Variants in ZNF480 observed in about 807,000 individuals in gnomAD.
The protein encoded by ZNF480 is zinc finger protein 480.
A neutral mutation model predicts 14.4 loss-of-function variants in ZNF480; 15 were observed. The observed-to-expected ratio is 1.04, with a 90% confidence interval of 0.70 to 1.60. ZNF480 has a LOEUF of 1.60. ZNF480 is among the 40% of genes most tolerant of loss of function. ZNF480 has a pLI of 0.00. For synonymous variants in ZNF480, 218 were observed against 215.5 expected (o/e 1.01, Z -0.10); for missense variants, 593 against 629.7 (o/e 0.94, Z 0.62).
rs1983926773 is a variant in ZNF480, at chr19:52,323,129, A to G, written c.*271A>G. ...CAGAAATGACAAAGGGGACATTACCACCAACCCCACAGAAATACGAAAAAC... is the reference window on the plus strand; with the variant it reads ...CAGAAATGACAAAGGGGACATTACCGCCAACCCCACAGAAATACGAAAAAC... On this transcript the variant is annotated 3_prime_UTR_variant, in exon 5 of 5. Coordinates refer to ENST00000595962, the MANE Select transcript of ZNF480 (RefSeq NM_144684.4). 3.1e-6 allele frequency: 1 copy of G among 318,766 alleles called. No homozygotes were observed. Among genetic ancestry groups the G allele is most frequent in the African/African-American group, 2.2e-5 (1 of 46,406 alleles). The allele number at this position is 318,766 out of a possible 1,614,324, so 19.7% of individuals were successfully genotyped here.
At chr19:52,302,088 T>C in intron 2 of ZNF480, 1 of 246,442 alleles carries the variant, frequency 4.1e-6, no homozygotes, top group Non-Finnish European at 8.1e-6. Context: ...ATGATAAGGT[T>C]TCAGGTGTCT....
chr19:52,309,958 CTG>C (rs1374238661), intron 2 of ZNF480, among the ~76,000 whole-genome samples: 1 of 152,006 alleles, frequency 6.6e-6, no homozygotes, highest in African/African-American at 2.4e-5. Context: ...TGTTTCTTTC[CTG>C]TATGTGTCAT....
chr19:52,299,150 G>T (rs944236869), intron 1 of ZNF480, among the ~76,000 whole-genome samples: 2 of 152,174 alleles, frequency 1.3e-5, no homozygotes, highest in Non-Finnish European at 2.9e-5. Context: ...TCAGGTGTGG[G>T]TCACCCACTT....
In ZNF480 at chr19:52,316,522, G is replaced by A. The variant is rs534048908; in HGVS notation, c.328+560G>A. Among the ~76,000 whole-genome samples, 10 of 152,062 alleles carry A rather than the reference G, an allele frequency of 6.6e-5. No homozygotes were observed. The East Asian group carries it at 9.7e-4, about 15-fold the overall frequency. ...TAGAATTACAGGCATGAGCTACCGC[G>A]CCCAGCTTCTTTTTGTTTTTCAGAT... is the stretch of plus-strand genomic sequence containing the variant. On this transcript the variant is annotated intron_variant, in intron 4 of 4. Coordinates refer to ENST00000595962, the MANE Select transcript of ZNF480 (RefSeq NM_144684.4).
chr19:52,319,813 T>G (rs373223803), intron 4 of ZNF480, among the ~76,000 whole-genome samples: 53 of 60,600 alleles, frequency 8.7e-4, no homozygotes, highest in African/African-American at 5.1e-3. Context: ...GATACTGTGT[T>G]TTTTTTTTTT....
intron 4 of ZNF480, among the ~76,000 whole-genome samples, chr19:52,320,684 C>T (rs1018653544): frequency 6.6e-5 from 10 of 152,094 alleles, no homozygotes; most frequent in Admixed American, 5.9e-4. Context: ...CCCAGTTACT[C>T]GGGAGGCTGA....
Position 52,314,292 on chromosome 19 carries a change from C to T in ZNF480, c.199+13C>T. 2 of 1,519,472 alleles carry T rather than the reference C, an allele frequency of 1.3e-6. No individual in the cohort carries two copies. Among genetic ancestry groups the T allele is most frequent in the East Asian group, 2.5e-5 (1 of 39,756 alleles). 94.1% of individuals were successfully genotyped at this position (1,519,472 alleles called of 1,614,324 possible). A position where few individuals can be genotyped will look rare whatever the true frequency, so the allele number is the denominator to read the frequency against. ...CTGGTCTCCCTGGGTGAGGATCATG[C>T]CCCTGCAGAAGCCGGGATCTGCCCT... On this transcript the variant is annotated intron_variant, in intron 3 of 4. Coordinates refer to ENST00000595962, the MANE Select transcript of ZNF480 (RefSeq NM_144684.4).
chr19:52,315,964 T>G lies in ZNF480; in HGVS notation c.328+2T>G, dbSNP rs747182481. Reference sequence around the variant, plus strand: ...AGTGCATCAAAGGTGTGAACACAGGTAAGAGCTCAGATGGGCATGGTGGAA... The same window carrying G: ...AGTGCATCAAAGGTGTGAACACAGGGAAGAGCTCAGATGGGCATGGTGGAA... On this transcript the variant is annotated splice_donor_variant, in intron 4 of 4. Coordinates refer to ENST00000595962, the MANE Select transcript of ZNF480 (RefSeq NM_144684.4). LOFTEE classifies it high-confidence loss of function. 3 of 1,604,052 alleles carry G rather than the reference T, an allele frequency of 1.9e-6. No homozygotes were observed. Among genetic ancestry groups the G allele is most frequent in the East Asian group, 2.2e-5 (1 of 44,796 alleles).
chr19:52,311,704 G>A (rs1157342520), intron 2 of ZNF480, among the ~76,000 whole-genome samples: 2 of 152,090 alleles, frequency 1.3e-5, no homozygotes, highest in Non-Finnish European at 2.9e-5. Context: ...TACTTGGGAG[G>A]CTGAGGAGGG....
chr19:52,303,849 A>G (rs903775071), intron 2 of ZNF480, among the ~76,000 whole-genome samples: 11 of 152,206 alleles, frequency 7.2e-5, no homozygotes, highest in African/African-American at 1.9e-4. Context: ...AGTGTTTTCA[A>G]TTGATCCTTA....
At chr19:52,311,206 A>G (rs78014032) in intron 2 of ZNF480, among the ~76,000 whole-genome samples, 21,426 of 151,952 alleles carry the variant, frequency 0.14, 1,901 homozygotes, top group East Asian at 0.23. Context: ...TATGTAAGTC[A>G]GGGTTGATCA....
rs1983815971 is a variant in ZNF480, at chr19:52,321,649, CT to C, written c.401del (p.Leu134TyrfsTer14). The C allele has an allele frequency of 4.3e-6, 7 of 1,613,416 alleles. No homozygotes were observed. The highest frequency in any genetic ancestry group is 5.9e-6 in the Non-Finnish European group (7 of 1,179,608). On this transcript the variant is annotated frameshift_variant, in exon 5 of 5. Coordinates refer to ENST00000595962, the MANE Select transcript of ZNF480 (RefSeq NM_144684.4). LOFTEE classifies it low-confidence loss of function (END_TRUNC). ...AAAAACAACTTGGAGTATCCTTTCA[CT>C]TACATCTGTCTGAACTGGAGCTATT... ...IKKQLGVSFH[L>X]HLSELELFPD...
chr19:52,314,743 G>T (rs1213802970), intron 3 of ZNF480, among the ~76,000 whole-genome samples: 4 of 151,840 alleles, frequency 2.6e-5, no homozygotes, highest in African/African-American at 4.8e-5. Flanking sequence ...GGTGAAGGTT[G>T]CAGTGAGCCG....
intron 2 of ZNF480, among the ~76,000 whole-genome samples, chr19:52,306,718 C>G (rs749265158): frequency 2.3e-4 from 35 of 152,256 alleles, no homozygotes; most frequent in Non-Finnish European, 4.1e-4. Context: ...TCAAATGTAG[C>G]CATCATATTC....
intron 2 of ZNF480, among the ~76,000 whole-genome samples, chr19:52,306,193 A>G (rs321912): frequency 0.81 from 122,700 of 152,104 alleles, 50,126 homozygotes; most frequent in African/African-American, 0.92. Context: ...TGGCATTGTC[A>G]AAAACTAATA....
intron 2 of ZNF480, among the ~76,000 whole-genome samples, chr19:52,304,092 G>C (rs1172542794): frequency 2.6e-5 from 4 of 152,184 alleles, no homozygotes; most frequent in Non-Finnish European, 5.9e-5. Flanking sequence ...AGGTTCAATT[G>C]CTTGTTCTAC....
In ZNF480 at chr19:52,321,772, C is replaced by T. The variant is rs778993253; in HGVS notation, c.522C>T (p.Val174=). ...VSCLQEMSSS[V]KTPIFNRNDF... The stretch of plus-strand genomic sequence containing the variant: ...GTCTTCAAGAAATGTCTTCCAGTGT[C>T]AAAACCCCCATTTTTAATAGGAATG... Residue 174 remains valine (V), a synonymous_variant, in exon 5 of 5, where the codon GTC becomes GTT. Coordinates refer to ENST00000595962, the MANE Select transcript of ZNF480 (RefSeq NM_144684.4). 1.2e-6 allele frequency: 2 copies of T among 1,613,558 alleles called. No individual in the cohort carries two copies. Among genetic ancestry groups the T allele is most frequent in the East Asian group, 4.5e-5 (2 of 44,860 alleles).
At chr19:52,319,249 C>T (rs988742230) in intron 4 of ZNF480, among the ~76,000 whole-genome samples, 2 of 152,056 alleles carry the variant, frequency 1.3e-5, no homozygotes, top group East Asian at 3.9e-4. Context: ...TTGAAGGGCT[C>T]CCTGTAGCAT....
chr19:52,309,580 T>TAG (rs1487411057), intron 2 of ZNF480, among the ~76,000 whole-genome samples: 1 of 152,240 alleles, frequency 6.6e-6, no homozygotes, highest in African/African-American at 2.4e-5. Flanking sequence ...GAAGGTTGGA[T>TAG]AGACATTCCC....
Sources: allele counts gnomAD v4.1 joint callset (sites outside exome capture counted in the v4.1 genomes callset), GRCh38; gene constraint gnomAD v4.1.1; transcripts MANE v1.5; gene names NCBI Gene and HGNC (gene_info 2026-07-23, HGNC 2026-07-21).